SLC4A4: variants seen among roughly 807,000 people sequenced by gnomAD.
The protein encoded by SLC4A4 is solute carrier family 4 member 4.
In SLC4A4, 27 loss-of-function variants were observed where a neutral mutation model predicts 111.5. The observed-to-expected ratio is 0.24, with a 90% CI of 0.18 to 0.33. The LOEUF is 0.33. Ranked by LOEUF, SLC4A4 falls within the 10% of genes least tolerant of loss-of-function variation. SLC4A4 has a pLI of 1.00. For synonymous variants in SLC4A4, 443 were observed against 463.4 expected (o/e 0.96, Z 0.57); for missense variants, 909 against 1,315.5 (o/e 0.69, Z 4.78).
chr4:71,493,101 G>C (rs376304255), intron 15 of SLC4A4, among the ~76,000 whole-genome samples: 1 of 151,730 alleles, frequency 6.6e-6, no homozygotes, highest in Admixed American at 6.6e-5. Context: ...CTATTTTCTA[G>C]ATGTGACTGT....
intron 3 of SLC4A4, among the ~76,000 whole-genome samples, chr4:71,296,988 A>G (rs566876347): frequency 3.3e-5 from 5 of 152,350 alleles, no homozygotes; most frequent in African/African-American, 9.6e-5. Flanking sequence ...CTTACAATGT[A>G]TAGGTTGTTT....
At chr4:71,214,684 C>T (rs761360518) in intron 1 of SLC4A4, among the ~76,000 whole-genome samples, 6 of 152,172 alleles carry the variant, frequency 3.9e-5, no homozygotes, top group Non-Finnish European at 8.8e-5. Flanking sequence ...GATTTATTTA[C>T]TAATGTTTCT....
chr4:71,131,126 T>C (rs186513939), intron 2 of SLC4A4, among the ~76,000 whole-genome samples: 216 of 152,386 alleles, frequency 1.4e-3, no homozygotes, highest in Non-Finnish European at 1.1e-3. Context: ...CATGAGATCA[T>C]GTTCACTAAC....
At chr4:71,101,696 C>T (rs947077601) in intron 2 of SLC4A4, among the ~76,000 whole-genome samples, 6 of 152,180 alleles carry the variant, frequency 3.9e-5, no homozygotes, top group African/African-American at 1.4e-4. Context: ...TCCAACAGAC[C>T]TGCAGCTGAA....
At chr4:71,402,370 C>G (rs1346707492) in intron 7 of SLC4A4, among the ~76,000 whole-genome samples, 1 of 152,062 alleles carries the variant, frequency 6.6e-6, no homozygotes, top group African/African-American at 2.4e-5. Flanking sequence ...CCAGGGCTCA[C>G]ATAAAGCTTC....
chr4:71,200,686 T>C (rs2149002659), intron 1 of SLC4A4, among the ~76,000 whole-genome samples: 1 of 152,104 alleles, frequency 6.6e-6, no homozygotes, highest in Non-Finnish European at 1.5e-5. Context: ...TGGAAGGATA[T>C]GAAAGGATGG....
At chr4:71,079,775 C>CAAAA (rs34285798) in intron 1 of SLC4A4, among the ~76,000 whole-genome samples, 2 of 142,534 alleles carry the variant, frequency 1.4e-5, no homozygotes, top group African/African-American at 2.6e-5. Flanking sequence ...AACTCTGTCT[C>CAAAA]AAAAAAAAAA....
intron 2 of SLC4A4, among the ~76,000 whole-genome samples, chr4:71,141,017 T>A (rs1338176742): frequency 6.6e-6 from 1 of 152,234 alleles, no homozygotes; most frequent in Admixed American, 6.5e-5. Flanking sequence ...GAGAGAATAT[T>A]TGAAATTTAC....
At chr4:71,174,741 A>G (rs1324905212) in intron 2 of SLC4A4, among the ~76,000 whole-genome samples, 1 of 152,024 alleles carries the variant, frequency 6.6e-6, no homozygotes, top group Non-Finnish European at 1.5e-5. Context: ...AAAGCAACAC[A>G]TTTTCTTTTA....
chr4:71,451,283 A>T lies in SLC4A4; in HGVS notation c.1304A>T (p.Glu435Val). 3.1e-6 allele frequency: 5 copies of T among 1,610,516 alleles called. No homozygotes were observed. The highest frequency in any genetic ancestry group is 4.2e-6 in the Non-Finnish European group (5 of 1,176,776). The change falls in exon 11 of 26, where the codon GAA becomes GTA. Residue 435 changes from glutamate to valine, a missense_variant. Glu to Val is a moderately radical substitution (Grantham distance 121). Transcript: ENST00000264485. Reference protein sequence around the residue: ...HGGGGHGDCEELQRTGRFCGG... With the variant: ...HGGGGHGDCEVLQRTGRFCGG... The stretch of plus-strand genomic sequence containing the variant: ...GGAGGAGGACATGGGGATTGTGAAG[A>T]ATTGCAGCGAACTGGACGGTAACTG...
chr4:71,565,830 C>T (rs762460332), intron 24 of SLC4A4, among the ~76,000 whole-genome samples: 11 of 151,836 alleles, frequency 7.2e-5, no homozygotes, highest in Non-Finnish European at 1.5e-4. Flanking sequence ...AAAGCATACT[C>T]ATGGGGCCCT....
intron 3 of SLC4A4, among the ~76,000 whole-genome samples, chr4:71,337,829 T>C (rs893729200): frequency 6.6e-6 from 1 of 151,776 alleles, no homozygotes; most frequent in Admixed American, 6.6e-5. Context: ...TTTAATTAAT[T>C]AATTAATTAA....
rs115429340 is a variant in SLC4A4 at position 71,080,226 on chromosome 4, G to A, written c.-64-12504G>A. On this transcript the variant is annotated intron_variant, in intron 1 of 26. Coordinates refer to the SLC4A4 transcript ENST00000649996. ...ACTGCGACGCTATGTGTTTATACCT[G>A]TGCAAGACTCCGGAAGGTAGAGACT... 2.1e-3 allele frequency among the ~76,000 whole-genome samples: 326 copies of A among 152,176 alleles called. 2 individuals are homozygous for A. The highest frequency in any genetic ancestry group is 7.4e-3 in the African/African-American group (305 of 41,442).
At chr4:71,524,405 T>C (rs1340815174) in intron 16 of SLC4A4, among the ~76,000 whole-genome samples, 3 of 152,164 alleles carry the variant, frequency 2.0e-5, no homozygotes, top group Admixed American at 6.5e-5. Flanking sequence ...GCATCTTTGC[T>C]GAACCACTTC....
chr4:71,356,916 A>G, intron 5 of SLC4A4, 92 bp from the exon 6 acceptor site: 1 of 1,167,678 alleles, frequency 8.6e-7, no homozygotes, highest in Non-Finnish European at 1.2e-6. Flanking sequence ...CTTGCTATTA[A>G]ATTTGAGGGT....
Position 71,555,134 on chromosome 4 carries a change from T to C in SLC4A4, c.2695-6T>C. The stretch of plus-strand genomic sequence containing the variant: ...TTTTAAGTTGTATCCATTTTTTTCC[T>C]TCTAGTTTATACCCATGCCTGTACT... On this transcript the variant is annotated splice_polypyrimidine_tract_variant and splice_region_variant and intron_variant, in intron 20 of 25. Coordinates refer to ENST00000264485, the MANE Select transcript of SLC4A4 (RefSeq NM_001098484.3). 6.3e-7 allele frequency: 1 copy of C among 1,598,164 alleles called. No homozygotes were observed. Among genetic ancestry groups the C allele is most frequent in the South Asian group, 1.1e-5 (1 of 90,758 alleles).
intron 2 of SLC4A4, among the ~76,000 whole-genome samples, chr4:71,174,208 A>C (rs1007330643): frequency 6.6e-6 from 1 of 152,040 alleles, no homozygotes; most frequent in African/African-American, 2.4e-5. Context: ...GTTTTATGAC[A>C]AAAGAGATTG....
rs71212000 is a variant in SLC4A4 at position 71,196,834 on chromosome 4, CAAAAAAAAAAAAAAAAAAAAAA to C, written c.-2+9452_-2+9473del. Among the ~76,000 whole-genome samples, 56 of 20,328 alleles carry C rather than the reference CAAAAAAAAAAAAAAAAAAAAAA, an allele frequency of 2.8e-3. 1 individual carries two copies. The highest frequency in any genetic ancestry group is 6.4e-3 in the South Asian group (2 of 314). The allele number at this position is 20,328 out of a possible 152,430, so 13.3% of individuals were successfully genotyped here. On this transcript the variant is annotated intron_variant, in intron 1 of 25. Transcript: ENST00000264485. ...GGGTGACAGAGCAAGACTCTGTCTC[CAAAAAAAAAAAAAAAAAAAAAA>C]AAAAAAAAAAAAAAAAAATGCAGAC...
intron 1 of SLC4A4, among the ~76,000 whole-genome samples, chr4:71,207,543 G>A (rs1717843310): frequency 6.6e-6 from 1 of 152,146 alleles, no homozygotes; most frequent in African/African-American, 2.4e-5. Context: ...AAAACTAAAT[G>A]AAGTCACTTG....
Sources: allele counts gnomAD v4.1 joint callset (sites outside exome capture counted in the v4.1 genomes callset), GRCh38; gene constraint gnomAD v4.1.1; transcripts MANE v1.5; gene names NCBI Gene and HGNC (gene_info 2026-07-23, HGNC 2026-07-21).